The following HEATR1 variants were observed in gnomAD, a reference collection of about 807,000 sequenced individuals.
The protein encoded by HEATR1 is HEAT repeat containing 1, also known as HEAT repeat-containing protein 1.
In HEATR1, 77 loss-of-function variants were observed where a neutral mutation model predicts 248.2. That is an observed-to-expected ratio of 0.31 (90% confidence interval 0.26 to 0.37). The LOEUF is 0.37. HEATR1 is among the 10% of genes least tolerant of loss of function. The pLI is 1.00. For synonymous variants in HEATR1, 897 were observed against 923.1 expected, an observed-to-expected ratio of 0.97 and a Z score of 0.51; for missense variants, 2,420 against 2,504.9, an observed-to-expected ratio of 0.97 and a Z score of 0.72.
Position 236,597,952 on chromosome 1 carries a change from T to C in HEATR1, c.529A>G (p.Thr177Ala). ...TCTTTGTAGCAGTGGGTAATCAAAG[T>C]TCCTTTAGCTAACGGCACTCCAGAT... ...KQSGVPLAKG[T>A]LITHCYKDLG... Residue 177 changes from threonine to alanine, a missense_variant, in exon 5 of 45, where the codon ACT (threonine) becomes GCT (alanine). Thr to Ala is a moderately conservative substitution (Grantham distance 58). Coordinates refer to ENST00000366582, the MANE Select transcript of HEATR1 (RefSeq NM_018072.6). 1.2e-6 allele frequency: 2 copies of C among 1,613,508 alleles called. No homozygotes were observed. Among genetic ancestry groups the C allele is most frequent in the Non-Finnish European group, 8.5e-7 (1 of 1,179,706 alleles).
intron 32 of HEATR1, among the ~76,000 whole-genome samples, chr1:236,563,810 C>T (rs1225387955): frequency 6.6e-6 from 1 of 152,092 alleles, no homozygotes; most frequent in Non-Finnish European, 1.5e-5. Flanking sequence ...ACATGCAGAA[C>T]TCACTATATC....
In HEATR1 at chr1:236,554,761, G is replaced by A. The variant is rs763371038; in HGVS notation, c.5924-9C>T. ...GTCAAAAAATGCTTCATCTGTAGACGTGGGAAGAGTAAAAATGAAAAAACA... is the reference window on the plus strand; with the variant it reads ...GTCAAAAAATGCTTCATCTGTAGACATGGGAAGAGTAAAAATGAAAAAACA... On this transcript the variant is annotated splice_polypyrimidine_tract_variant and intron_variant, in intron 41 of 44. Transcript: ENST00000366582. The A allele has an allele frequency of 1.4e-5, 22 of 1,594,332 alleles. 1 individual carries two copies. The East Asian group carries it at 2.7e-4, about 19-fold the overall frequency.
rs762305503 is a variant in HEATR1, at chr1:236,554,554, A to G, written c.6078+44T>C. On this transcript the variant is annotated intron_variant, in intron 42 of 44. Transcript: ENST00000366582. Reference sequence around the variant, plus strand: ...GATCTAAAACCTGCCAAGCTCGAACAGTGATGGCTTCCTCAGCAACGAAAG... The same window carrying G: ...GATCTAAAACCTGCCAAGCTCGAACGGTGATGGCTTCCTCAGCAACGAAAG... 3.2e-6 allele frequency: 5 copies of G among 1,583,962 alleles called. No individual in the cohort carries two copies. The South Asian group carries it at 4.7e-5, about 15-fold the overall frequency.
rs1402937715 is a variant in HEATR1, at chr1:236,551,008, A to G, written c.6347-18T>C. 1 of 1,554,994 alleles carries G rather than the reference A, an allele frequency of 6.4e-7. No individual in the cohort carries two copies. The highest frequency in any genetic ancestry group is 1.4e-5 in the African/African-American group (1 of 72,294). ...ACATTCATCTAAAAAAAAAAAAAAA[A>G]AATCAAAATTAAAATCTGAGTCAGT... On this transcript the variant is annotated intron_variant, in intron 44 of 44. Coordinates refer to ENST00000366582, the MANE Select transcript of HEATR1 (RefSeq NM_018072.6).
Position 236,587,969 on chromosome 1 carries a change from C to A in HEATR1, c.1605G>T (p.Leu535Phe). 4 of 1,610,818 alleles carry A rather than the reference C, an allele frequency of 2.5e-6. No homozygotes were observed. Among genetic ancestry groups the A allele is most frequent in the Non-Finnish European group, 3.4e-6 (4 of 1,178,384 alleles). Residue 535 changes from leucine to phenylalanine, a missense_variant, in exon 13 of 45, where the codon TTG (leucine) becomes TTT (phenylalanine). Transcript: ENST00000366582. ...RLGDDNIDVV[L>F]SAISAFEIFK... ...TCACCTCAAAAGCACTTATAGCCGACAAAACAACATCTATATTATCATCAC... is the reference window on the plus strand; with the variant it reads ...TCACCTCAAAAGCACTTATAGCCGAAAAAACAACATCTATATTATCATCAC...
chr1:236,571,637 G>T lies in HEATR1; in HGVS notation c.3757C>A (p.Gln1253Lys). The change falls in exon 27 of 45, where the codon CAA becomes AAA. Residue 1253 changes from glutamine to lysine, a missense_variant. Transcript: ENST00000366582. Reference protein sequence around the residue: ...QEQGNMEYTKQLILSCLLNIC... With the variant: ...QEQGNMEYTKKLILSCLLNIC... ...TTGAGCAGACAACTAAGAATTAATT[G>T]TTTGGTGTATTCCATATTTCCCTGC... 6.2e-7 allele frequency: 1 copy of T among 1,614,088 alleles called. No homozygotes were observed. Among genetic ancestry groups the T allele is most frequent in the Non-Finnish European group, 8.5e-7 (1 of 1,179,938 alleles).
rs368602949 is a variant in HEATR1 at position 236,555,440 on chromosome 1, C to G, written c.5779G>C (p.Asp1927His). The change falls in exon 41 of 45, where the codon GAT becomes CAT. Residue 1927 changes from aspartate to histidine, a missense_variant. Asp to His is a moderately conservative substitution (Grantham distance 81). Transcript: ENST00000366582. The part of the protein sequence containing the change: ...FKLFDWAKTE[D>H]APKDRLLTFY... ...GTCAACAACCTGTCCTTTGGGGCAT[C>G]TTCTGTTTTAGCCCAATCAAACAGC... is the stretch of plus-strand genomic sequence containing the variant. 4.7e-5 allele frequency: 76 copies of G among 1,614,108 alleles called. No homozygotes were observed. The highest frequency in any genetic ancestry group is 6.4e-5 in the Non-Finnish European group (75 of 1,180,042).
chr1:236,570,317 T>C (rs1663393257), intron 28 of HEATR1, among the ~76,000 whole-genome samples: 1 of 151,954 alleles, frequency 6.6e-6, no homozygotes, highest in East Asian at 1.9e-4. Flanking sequence ...AACAAAAACA[T>C]TATGCTAAGC....
intron 36 of HEATR1, 102 bp downstream of exon 36, chr1:236,558,135 G>T: frequency 8.0e-7 from 1 of 1,245,746 alleles, no homozygotes; most frequent in Non-Finnish European, 1.1e-6. Context: ...CCAATTTTAT[G>T]CAACGTCTAC....
chr1:236,568,898 C>CAAAA, intron 29 of HEATR1, 98 bp downstream of exon 29: 3 of 527,172 alleles, frequency 5.7e-6, no homozygotes, highest in Non-Finnish European at 7.9e-6. Context: ...AAAAAAAAAA[C>CAAAA]AAAAAAAAAA....
At chr1:236,574,941 T>G (rs915515934) in intron 22 of HEATR1, 38 bp from the exon 23 acceptor site, 1 of 1,587,318 alleles carries the variant, frequency 6.3e-7, no homozygotes, top group Non-Finnish European at 8.6e-7. Flanking sequence ...TAGTTATGTA[T>G]ACTGATATGT....
At chr1:236,580,775 C>T (rs1463174516) in intron 20 of HEATR1, among the ~76,000 whole-genome samples, 1 of 151,292 alleles carries the variant, frequency 6.6e-6, no homozygotes, top group South Asian at 2.1e-4. Context: ...CCTTAGCCTC[C>T]CAAAGTGCTG....
Position 236,603,147 on chromosome 1 carries a change from T to A in HEATR1, c.359+13A>T, listed in dbSNP as rs16834050. The A allele has an allele frequency of 0.03, 48,455 of 1,593,144 alleles. 1,177 individuals carry two copies. The highest frequency in any genetic ancestry group is 0.12 in the Admixed American group (7,367 of 59,926). ...GATTAACCCATAGTTATTTCTGTAA[T>A]TCTATTAGCTACCTGTGAATCAACC... On this transcript the variant is annotated intron_variant, in intron 3 of 44. Coordinates refer to ENST00000366582, the MANE Select transcript of HEATR1 (RefSeq NM_018072.6).
At chr1:236,599,767 G>C (rs1006732054) in intron 3 of HEATR1, 143 bp from the exon 4 acceptor site, 9 of 734,866 alleles carry the variant, frequency 1.2e-5, no homozygotes, top group Non-Finnish European at 1.9e-5. Context: ...ATAAGATACA[G>C]AGCATTTAAA....
intron 17 of HEATR1, 79 bp from the exon 18 acceptor site, chr1:236,583,275 T>C: frequency 7.8e-7 from 1 of 1,275,000 alleles, no homozygotes; most frequent in East Asian, 2.3e-5. Context: ...CTGCATAATA[T>C]GCAAAAGTTT....
At chr1:236,596,800 A>G (rs1664188266) in intron 6 of HEATR1, 36 bp downstream of exon 6, 3 of 1,543,342 alleles carry the variant, frequency 1.9e-6, no homozygotes, top group Non-Finnish European at 2.6e-6. Flanking sequence ...TCCTTTAAGT[A>G]CAAAATAATC....
chr1:236,565,488 C>T (rs960652493), intron 31 of HEATR1, among the ~76,000 whole-genome samples: 10 of 152,144 alleles, frequency 6.6e-5, no homozygotes, highest in Non-Finnish European at 1.2e-4. Flanking sequence ...CTCAGTGGTG[C>T]TGCGGTTCGT....
Position 236,557,289 on chromosome 1 carries a change from T to C in HEATR1, c.5261A>G (p.Glu1754Gly), listed in dbSNP as rs1380292702. 6.2e-7 allele frequency: 1 copy of C among 1,614,160 alleles called. No individual in the cohort carries two copies. Among genetic ancestry groups the C allele is most frequent in the Non-Finnish European group, 8.5e-7 (1 of 1,180,012 alleles). ...AGCCAAGGCACTGAGCAGGTAGACCTCGCTGGAGACCAGCTCGCTGGTGTT... is the reference window on the plus strand; with the variant it reads ...AGCCAAGGCACTGAGCAGGTAGACCCCGCTGGAGACCAGCTCGCTGGTGTT... ...MKNTSELVSS[E>G]VYLLSALAAL... The change falls in exon 37 of 45, where the codon GAG becomes GGG. Residue 1754 changes from glutamate to glycine, a missense_variant. Transcript: ENST00000366582.
Position 236,552,116 on chromosome 1 carries a change from G to A in HEATR1, c.6238-9C>T, listed in dbSNP as rs74151928. On this transcript the variant is annotated splice_polypyrimidine_tract_variant and intron_variant, in intron 43 of 44. Coordinates refer to ENST00000366582, the MANE Select transcript of HEATR1 (RefSeq NM_018072.6). ...AAAGCAGCAAATCGAACCTGAAAGG[G>A]ATAAAAGAGCAAAGAAATAAAAAGT... 387 of 1,557,990 alleles carry A rather than the reference G, an allele frequency of 2.5e-4. 1 individual carries two copies. The African/African-American group carries it at 4.8e-3, about 19-fold the overall frequency.
Sources: allele counts gnomAD v4.1 joint callset (sites outside exome capture counted in the v4.1 genomes callset), GRCh38; gene constraint gnomAD v4.1.1; transcripts MANE v1.5; gene names NCBI Gene and HGNC (gene_info 2026-07-23, HGNC 2026-07-21).